Variants in IMMP2L observed in about 807,000 individuals in gnomAD.
IMMP2L encodes the protein mitochondrial inner membrane protease subunit 2.
Under a neutral mutation model 19.3 loss-of-function variants are expected in IMMP2L, and 18 were observed. The observed-to-expected ratio is 0.93, with a 90% confidence interval of 0.64 to 1.38. The LOEUF is 1.38. IMMP2L is among the 40% of genes most tolerant of loss of function. The pLI, the probability that IMMP2L is intolerant of heterozygous loss-of-function variation, is 0.00. For synonymous variants in IMMP2L, 76 were observed against 73.0 expected (o/e 1.04, Z -0.21); for missense variants, 233 against 218.2 (o/e 1.07, Z -0.43).
intron 3 of IMMP2L, among the ~76,000 whole-genome samples, chr7:111,160,789 AAGATT>A (rs1270284925): frequency 3.3e-5 from 5 of 150,708 alleles, no homozygotes; most frequent in African/African-American, 9.7e-5. Context: ...AATATAAGAT[AAGATT>A]AAACAGGAAT....
At chr7:110,770,267 A>G (rs1436360274) in intron 5 of IMMP2L, among the ~76,000 whole-genome samples, 1 of 152,184 alleles carries the variant, frequency 6.6e-6, no homozygotes, top group East Asian at 1.9e-4. Context: ...ATGTGAAGCC[A>G]TGTGCATTTA....
At chr7:111,200,178 C>T (rs1439583220) in intron 3 of IMMP2L, among the ~76,000 whole-genome samples, 1 of 152,020 alleles carries the variant, frequency 6.6e-6, no homozygotes, top group Non-Finnish European at 1.5e-5. Context: ...TCTTACTTTT[C>T]TGTATCCTTT....
intron 3 of IMMP2L, among the ~76,000 whole-genome samples, chr7:111,097,493 C>T (rs1177340552): frequency 6.6e-6 from 1 of 151,672 alleles, no homozygotes; most frequent in Non-Finnish European, 1.5e-5. Context: ...CTTGGGGTAA[C>T]ATTTGTTCTA....
intron 3 of IMMP2L, among the ~76,000 whole-genome samples, chr7:110,986,348 T>A (rs1821852263): frequency 1.3e-5 from 2 of 152,174 alleles, no homozygotes; most frequent in Admixed American, 1.3e-4. Context: ...CTCTCGTGGT[T>A]AGAAACCAAT....
intron 3 of IMMP2L, among the ~76,000 whole-genome samples, chr7:111,251,720 A>G (rs1816147567): frequency 6.6e-6 from 1 of 152,144 alleles, no homozygotes; most frequent in Non-Finnish European, 1.5e-5. Context: ...AGGGAGGGGA[A>G]TACCACGAAC....
At chr7:111,279,688 C>T (rs1022599610) in intron 3 of IMMP2L, among the ~76,000 whole-genome samples, 2 of 152,136 alleles carry the variant, frequency 1.3e-5, no homozygotes, top group Non-Finnish European at 2.9e-5. Context: ...GGTGCAAAAA[C>T]ATGTGCTTTT....
At chr7:111,450,481 G>C (rs528760480) in intron 3 of IMMP2L, among the ~76,000 whole-genome samples, 1 of 151,766 alleles carries the variant, frequency 6.6e-6, no homozygotes. Flanking sequence ...TTTAATAAAC[G>C]GTGCTGGGAA....
intron 4 of IMMP2L, among the ~76,000 whole-genome samples, chr7:110,932,735 T>C (rs552261823): frequency 1.3e-5 from 2 of 152,318 alleles, no homozygotes; most frequent in Admixed American, 1.3e-4. Context: ...GGGGAAAATA[T>C]GTCACCTACA....
intron 5 of IMMP2L, among the ~76,000 whole-genome samples, chr7:110,792,176 C>T (rs4730463): frequency 0.062 from 9,455 of 151,618 alleles, 647 homozygotes; most frequent in African/African-American, 0.14. Context: ...AGGTTTGACA[C>T]GTGCACCCTC....
At chr7:110,878,156 T>C (rs1240286621) in intron 5 of IMMP2L, among the ~76,000 whole-genome samples, 2 of 152,162 alleles carry the variant, frequency 1.3e-5, no homozygotes, top group South Asian at 2.1e-4. Flanking sequence ...CTTGTGATTC[T>C]AGAATTCTAG....
In IMMP2L at chr7:110,962,974, G is replaced by A. The variant is rs568844210; in HGVS notation, c.305+526C>T. The A allele has an allele frequency of 1.0e-4, 150 of 1,470,444 alleles. No individual in the cohort carries two copies. In the East Asian group the frequency reaches 3.4e-3, roughly 34 times the overall value. The allele number at this position is 1,470,444 out of a possible 1,614,324, so 91.1% of individuals were successfully genotyped here. On this transcript the variant is annotated intron_variant, in intron 4 of 5. Coordinates refer to ENST00000405709, the MANE Select transcript of IMMP2L (RefSeq NM_032549.4). The stretch of plus-strand genomic sequence containing the variant: ...ATTTATCAGCAAGTACAATAAATAC[G>A]ACATTACTAAAGGCTGCTTAAACAC...
chr7:110,749,208 G>A (rs1024763222), intron 5 of IMMP2L, among the ~76,000 whole-genome samples: 10 of 152,108 alleles, frequency 6.6e-5, no homozygotes, highest in Non-Finnish European at 1.5e-5. Context: ...ACCATCTCAT[G>A]CCAGTTAGAA....
intron 3 of IMMP2L, among the ~76,000 whole-genome samples, chr7:111,471,153 G>T (rs1841229506): frequency 6.6e-6 from 1 of 151,968 alleles, no homozygotes; most frequent in South Asian, 2.1e-4. Flanking sequence ...ACTAAACTAA[G>T]GCAGTAAGTG....
intron 3 of IMMP2L, among the ~76,000 whole-genome samples, chr7:111,103,986 A>C (rs570484664): frequency 6.6e-6 from 1 of 151,770 alleles, no homozygotes; most frequent in Admixed American, 6.6e-5. Flanking sequence ...TTAGGGTTAA[A>C]TGTGGAACAA....
intron 3 of IMMP2L, among the ~76,000 whole-genome samples, chr7:111,472,946 A>AG (rs1841396489): frequency 6.6e-6 from 1 of 152,160 alleles, no homozygotes; most frequent in South Asian, 2.1e-4. Context: ...AAGAAAAAAA[A>AG]GAAAGAAAAA....
chr7:111,194,696 A>G (rs1298311947), intron 3 of IMMP2L, among the ~76,000 whole-genome samples: 1 of 152,174 alleles, frequency 6.6e-6, no homozygotes, highest in Non-Finnish European at 1.5e-5. Context: ...TTGTTTCTAA[A>G]TAAAAGATTA....
In IMMP2L at chr7:111,087,475, C is replaced by T. The variant is rs184207541; in HGVS notation, c.240-123910G>A. ...AAAAAAGAAAAAAAAAAAAAAACAACGAAACACTAGAATAGCTATAATTCA... is the reference window on the plus strand; with the variant it reads ...AAAAAAGAAAAAAAAAAAAAAACAATGAAACACTAGAATAGCTATAATTCA... On this transcript the variant is annotated intron_variant, in intron 3 of 5. Coordinates refer to ENST00000405709, the MANE Select transcript of IMMP2L (RefSeq NM_032549.4). Among the ~76,000 whole-genome samples the T allele has an allele frequency of 6.1e-3, 907 of 147,554 alleles. 8 individuals are homozygous for T. Among genetic ancestry groups the T allele is most frequent in the African/African-American group, 0.021 (835 of 40,176 alleles).
At chr7:111,506,691 G>C (rs1013796087) in intron 2 of IMMP2L, among the ~76,000 whole-genome samples, 1 of 151,054 alleles carries the variant, frequency 6.6e-6, no homozygotes, top group African/African-American at 2.4e-5. Context: ...CACCACGCCC[G>C]ACCCTTAATT....
intron 3 of IMMP2L, among the ~76,000 whole-genome samples, chr7:111,147,013 C>T (rs1803549452): frequency 6.6e-6 from 1 of 152,030 alleles, no homozygotes; most frequent in South Asian, 2.1e-4. Flanking sequence ...CAGAGCTCTT[C>T]TATTTAGTTT....
Sources: gnomAD v4.1 joint callset for allele counts (sites outside exome capture counted in the v4.1 genomes callset) on GRCh38, gnomAD v4.1.1 for gene constraint, MANE v1.5 for transcripts, NCBI Gene and HGNC (gene_info 2026-07-23, HGNC 2026-07-21) for gene names.